Variants in C10orf143 observed in about 807,000 individuals in gnomAD.
C10orf143 encodes uncharacterized protein C10orf143.
chr10:130,051,600 C>T (rs12778031), intron 3 of C10orf143, among the ~76,000 whole-genome samples: 1 of 10,664 alleles, frequency 9.4e-5, no homozygotes, highest in Non-Finnish European at 1.8e-4. Flanking sequence ...CTCCCTCTCC[C>T]GCCCCCACCT....
chr10:130,091,847 C>T (rs1861387707), intron 1 of C10orf143, among the ~76,000 whole-genome samples: 1 of 152,056 alleles, frequency 6.6e-6, no homozygotes, highest in African/African-American at 2.4e-5. Context: ...TGAAATAAAG[C>T]ATGAAGATAA....
chr10:130,063,943 C>T lies in C10orf143; in HGVS notation c.*411G>A. The T allele has an allele frequency of 6.0e-6, 1 of 165,524 alleles. No individual in the cohort carries two copies. The highest frequency in any genetic ancestry group is 1.3e-5 in the Non-Finnish European group (1 of 77,416). The allele number at this position is 165,524 out of a possible 1,614,324, so 10.3% of individuals were successfully genotyped here. On this transcript the variant is annotated 3_prime_UTR_variant, in exon 4 of 4. Coordinates refer to ENST00000637128, the MANE Select transcript of C10orf143 (RefSeq NM_001355042.2). The stretch of plus-strand genomic sequence containing the variant: ...TTTAATGAAAGAGTGTGTAAATAGC[C>T]CTGGGTACATCCACAAAACAACGAA...
intron 1 of C10orf143, chr10:130,106,043 G>A (rs886265354): frequency 1.7e-5 from 9 of 541,930 alleles, no homozygotes; most frequent in Admixed American, 2.3e-5. Flanking sequence ...CAGCCTTGGC[G>A]CTATGTTGGA....
At chr10:130,102,828 T>C (rs1281432953) in intron 1 of C10orf143, among the ~76,000 whole-genome samples, 1 of 152,204 alleles carries the variant, frequency 6.6e-6, no homozygotes, top group Non-Finnish European at 1.5e-5. Context: ...TAATATTCTT[T>C]ACCCTGAAAT....
At chr10:130,088,692 T>C (rs962930574) in intron 1 of C10orf143, among the ~76,000 whole-genome samples, 1 of 152,304 alleles carries the variant, frequency 6.6e-6, no homozygotes, top group Admixed American at 6.5e-5. Flanking sequence ...CTGATACGGA[T>C]GCCCATTGGT....
intron 3 of C10orf143, among the ~76,000 whole-genome samples, chr10:130,075,991 GT>G (rs1003386182): frequency 6.8e-6 from 1 of 146,678 alleles, no homozygotes; most frequent in Non-Finnish European, 1.5e-5. Context: ...TTGTTTGTTT[GT>G]TTTTTTTTTT....
chr10:130,107,893 T>A (rs1295795733), intron 1 of C10orf143: 2 of 1,304,656 alleles, frequency 1.5e-6, no homozygotes, highest in Non-Finnish European at 2.2e-6. Context: ...TTGATTCAGC[T>A]CTTCCTCCAC....
chr10:130,084,791 C>T (rs1444735318), intron 1 of C10orf143, among the ~76,000 whole-genome samples: 1 of 152,092 alleles, frequency 6.6e-6, no homozygotes, highest in African/African-American at 2.4e-5. Context: ...GGAATCTGGA[C>T]TCCATGGGAA....
rs1321309136 is a variant in C10orf143, at chr10:130,064,363, C to T, written c.318G>A (p.Lys106=). Residue 106 remains lysine (K), a synonymous_variant, in exon 4 of 4, where the codon AAG becomes AAA. Transcript: ENST00000637128. The part of the protein sequence containing the change: ...AGESGHFSHT[K]NH ...TTCCAGCTTGCATCTTCTAATGATT[C>T]TTGGTATGGCTAAAATGTCCCTACA... 1 of 398,464 alleles carries T rather than the reference C, an allele frequency of 2.5e-6. No individual in the cohort carries two copies. Among genetic ancestry groups the T allele is most frequent in the Non-Finnish European group, 4.4e-6 (1 of 226,062 alleles). The allele number at this position is 398,464 out of a possible 1,614,324, so 24.7% of individuals were successfully genotyped here. A position where few individuals can be genotyped will look rare whatever the true frequency, so the allele number is the denominator to read the frequency against.
intron 1 of C10orf143, among the ~76,000 whole-genome samples, chr10:130,101,398 A>G (rs1244177900): frequency 6.6e-6 from 1 of 152,128 alleles, no homozygotes; most frequent in East Asian, 1.9e-4. Context: ...AAAGGCAGCC[A>G]GAGACAAGAG....
intron 1 of C10orf143, among the ~76,000 whole-genome samples, chr10:130,103,618 G>C (rs1470179675): frequency 6.6e-6 from 1 of 151,944 alleles, no homozygotes; most frequent in Non-Finnish European, 1.5e-5. Flanking sequence ...ACCAGCCTGG[G>C]CAACATGGCA....
intron 1 of C10orf143, chr10:130,107,435 G>T: frequency 7.4e-7 from 1 of 1,359,208 alleles, no homozygotes; most frequent in Non-Finnish European, 1.1e-6. Flanking sequence ...TAACTGGTTG[G>T]CAGCTTGGGC....
intron 4 of C10orf143, among the ~76,000 whole-genome samples, chr10:130,035,468 A>G (rs1411559911): frequency 2.0e-5 from 3 of 152,200 alleles, no homozygotes; most frequent in South Asian, 2.1e-4. Context: ...CAGCCATAAC[A>G]CTGCCCTTCA....
chr10:130,098,208 A>G (rs1861492598), intron 1 of C10orf143, among the ~76,000 whole-genome samples: 1 of 152,108 alleles, frequency 6.6e-6, no homozygotes, highest in Non-Finnish European at 1.5e-5. Flanking sequence ...CTGTAATCCC[A>G]GCTACTCTGG....
intron 1 of C10orf143, among the ~76,000 whole-genome samples, chr10:130,084,463 A>G (rs1267691613): frequency 2.6e-5 from 4 of 152,242 alleles, no homozygotes; most frequent in Non-Finnish European, 4.4e-5. Context: ...CATTGGATAA[A>G]TAAGTAAATA....
At chr10:130,035,725 A>G (rs1208853840) in intron 4 of C10orf143, 7 of 152,402 alleles carry the variant, frequency 4.6e-5, no homozygotes, top group African/African-American at 1.7e-4. Context: ...ACCACCACAC[A>G]TCATGTGTTC....
chr10:130,087,265 G>A (rs559991035), intron 1 of C10orf143, among the ~76,000 whole-genome samples: 2 of 152,310 alleles, frequency 1.3e-5, no homozygotes, highest in Admixed American at 1.3e-4. Flanking sequence ...GGCTGCTTAC[G>A]TTGAACGAGA....
Position 130,110,718 on chromosome 10 carries a change from C to A in C10orf143, c.55G>T (p.Val19Phe). 2.5e-6 allele frequency: 1 copy of A among 398,900 alleles called. No homozygotes were observed. The highest frequency in any genetic ancestry group is 3.6e-5 in the East Asian group (1 of 28,066). 24.7% of individuals were successfully genotyped at this position (398,900 alleles called of 1,614,324 possible). A position where few individuals can be genotyped will look rare whatever the true frequency, so the allele number is the denominator to read the frequency against. ...CGGGGGCTCACCACGTCCCCCGGAACCTGCAGATCCTCCGCCCTCCGCTGT... is the reference window on the plus strand; with the variant it reads ...CGGGGGCTCACCACGTCCCCCGGAAACTGCAGATCCTCCGCCCTCCGCTGT... ...WRQRRAEDLQVPGDVKRVCRR... is the reference protein window; with the variant it reads ...WRQRRAEDLQFPGDVKRVCRR... The change falls in exon 1 of 4, where the codon GTT (valine) becomes TTT (phenylalanine). Residue 19 changes from valine to phenylalanine, a missense_variant. Coordinates refer to ENST00000637128, the MANE Select transcript of C10orf143 (RefSeq NM_001355042.2).
chr10:130,068,441 A>G (rs1039972048), intron 3 of C10orf143: 1 of 152,030 alleles, frequency 6.6e-6, no homozygotes, highest in African/African-American at 2.4e-5. Context: ...GTGAAACCCC[A>G]TCTCTACTGA....
Sources: gnomAD v4.1 joint callset for allele counts (sites outside exome capture counted in the v4.1 genomes callset) on GRCh38, gnomAD v4.1.1 for gene constraint, MANE v1.5 for transcripts, NCBI Gene and HGNC (gene_info 2026-07-23, HGNC 2026-07-21) for gene names.